MAP3K20: variants seen among roughly 807,000 people sequenced by gnomAD.
MAP3K20 encodes HCCS-4.
A neutral mutation model predicts 85.7 loss-of-function variants in MAP3K20; 40 were observed. The ratio of observed to expected loss-of-function variants is 0.47; its 90% CI spans 0.36 to 0.61. The LOEUF (loss-of-function observed/expected upper bound fraction) is 0.61. Ranked by LOEUF, MAP3K20 falls within the 20% of genes least tolerant of loss-of-function variation. The pLI, the probability that MAP3K20 is intolerant of heterozygous loss-of-function variation, is 0.00. For synonymous variants in MAP3K20, 325 were observed against 327.7 expected, an observed-to-expected ratio of 0.99 and a Z score of 0.09; for missense variants, 817 against 961.7, an observed-to-expected ratio of 0.85 and a Z score of 1.99.
intron 11 of MAP3K20, chr2:173,225,349 T>C: frequency 4.0e-6 from 1 of 251,136 alleles, no homozygotes; most frequent in Non-Finnish European, 6.3e-6. Flanking sequence ...ATCCCAGCAC[T>C]TTGGGAGGCC....
intron 12 of MAP3K20, among the ~76,000 whole-genome samples, chr2:173,230,341 T>C (rs1325737144): frequency 6.6e-6 from 1 of 152,160 alleles, no homozygotes; most frequent in East Asian, 1.9e-4. Context: ...TAAATCTTTT[T>C]ACAAGAACAG....
At chr2:173,091,699 T>G (rs544358907) in intron 2 of MAP3K20, among the ~76,000 whole-genome samples, 1 of 152,308 alleles carries the variant, frequency 6.6e-6, no homozygotes, top group East Asian at 1.9e-4. Flanking sequence ...TGATGGTCTT[T>G]GTATTATATA....
At chr2:173,143,156 G>C (rs192664628) in intron 2 of MAP3K20, among the ~76,000 whole-genome samples, 11 of 152,298 alleles carry the variant, frequency 7.2e-5, no homozygotes, top group Non-Finnish European at 1.3e-4. Flanking sequence ...AGAGGGGTAT[G>C]CAAATAGAAA....
chr2:173,253,040 C>T (rs1269052755), intron 16 of MAP3K20, among the ~76,000 whole-genome samples: 1 of 152,144 alleles, frequency 6.6e-6, no homozygotes, highest in Admixed American at 6.5e-5. Flanking sequence ...CTGATCACTC[C>T]CTGGTACCCA....
chr2:173,103,657 C>T (rs548757056), intron 2 of MAP3K20, among the ~76,000 whole-genome samples: 3 of 152,304 alleles, frequency 2.0e-5, no homozygotes, highest in Admixed American at 6.5e-5. Context: ...CTAAGCACTT[C>T]GCATAGATTC....
intron 14 of MAP3K20, among the ~76,000 whole-genome samples, chr2:173,233,644 T>G (rs1441004866): frequency 6.6e-6 from 1 of 151,906 alleles, no homozygotes; most frequent in African/African-American, 2.4e-5. Context: ...AAGGAGAAAA[T>G]TCAGAAAAGG....
chr2:173,098,141 T>C (rs1687517146), intron 2 of MAP3K20, among the ~76,000 whole-genome samples: 1 of 152,202 alleles, frequency 6.6e-6, no homozygotes, highest in Admixed American at 6.5e-5. Flanking sequence ...ATGGGACCAA[T>C]ACAAATAAAA....
rs547452041 is a variant in MAP3K20 at position 173,248,972 on chromosome 2, T to C, written c.1359+9476T>C. 5.9e-5 allele frequency among the ~76,000 whole-genome samples: 9 copies of C among 152,350 alleles called. No individual in the cohort carries two copies. The South Asian group carries it at 1.9e-3, about 32-fold the overall frequency. On this transcript the variant is annotated intron_variant, in intron 16 of 19. Transcript: ENST00000375213. Reference sequence around the variant, plus strand: ...CTTTAACTCAAAGAGAGCTCCAGTCTCCTAATGAATCCATTGTCAGTTGGC... The same window carrying C: ...CTTTAACTCAAAGAGAGCTCCAGTCCCCTAATGAATCCATTGTCAGTTGGC...
At chr2:173,107,959 T>G (rs1687830971) in intron 2 of MAP3K20, among the ~76,000 whole-genome samples, 1 of 152,160 alleles carries the variant, frequency 6.6e-6, no homozygotes, top group Non-Finnish European at 1.5e-5. Flanking sequence ...ACTTGCTTTT[T>G]TAAGACTTAT....
At chr2:173,161,965 A>G (rs971183752) in intron 2 of MAP3K20, among the ~76,000 whole-genome samples, 2 of 152,224 alleles carry the variant, frequency 1.3e-5, no homozygotes, top group Non-Finnish European at 2.9e-5. Flanking sequence ...ATGCAAATAA[A>G]TATTTTAAAT....
chr2:173,185,742 G>A (rs986133511), intron 4 of MAP3K20, among the ~76,000 whole-genome samples: 1 of 152,222 alleles, frequency 6.6e-6, no homozygotes, highest in African/African-American at 2.4e-5. Context: ...TTCTAGATGT[G>A]AGGATAATGG....
At chr2:173,222,746 G>T in intron 11 of MAP3K20, 1 of 985,334 alleles carries the variant, frequency 1.0e-6, no homozygotes, top group African/African-American at 1.7e-5. Context: ...GCCTACCAGG[G>T]TTGTTTTTTG....
chr2:173,077,311 G>A (rs891770863), intron 1 of MAP3K20, among the ~76,000 whole-genome samples: 4 of 149,718 alleles, frequency 2.7e-5, no homozygotes, highest in Non-Finnish European at 5.9e-5. Context: ...AGTGATTCAA[G>A]GCTAGTTAAT....
At position 173,077,765 on chromosome 2, in the gene MAP3K20, G is replaced by A. The variant is rs893731364; in HGVS notation, c.-35+1763G>A. On this transcript the variant is annotated intron_variant, in intron 1 of 19. Transcript: ENST00000375213. ...GATCCGTTTTTCTTAATCTTTTAGGGAATATATAAGGACACAGTAAAGAGA... is the reference window on the plus strand; with the variant it reads ...GATCCGTTTTTCTTAATCTTTTAGGAAATATATAAGGACACAGTAAAGAGA... Among the ~76,000 whole-genome samples the A allele has an allele frequency of 6.6e-5, 10 of 152,220 alleles. No homozygotes were observed. In the South Asian group the frequency reaches 1.9e-3, roughly 28 times the overall value.
At chr2:173,124,248 A>G (rs1242936589) in intron 2 of MAP3K20, among the ~76,000 whole-genome samples, 1 of 152,150 alleles carries the variant, frequency 6.6e-6, no homozygotes, top group Non-Finnish European at 1.5e-5. Context: ...TTCATTTAGG[A>G]AAATTAGTAT....
intron 9 of MAP3K20, among the ~76,000 whole-genome samples, chr2:173,205,076 C>G (rs1233988978): frequency 3.5e-5 from 5 of 141,166 alleles, no homozygotes; most frequent in South Asian, 4.4e-4. Context: ...GCACTCCAGC[C>G]TGGGTGACAG....
chr2:173,089,957 A>G (rs1687246668), intron 1 of MAP3K20, among the ~76,000 whole-genome samples: 1 of 152,248 alleles, frequency 6.6e-6, no homozygotes, highest in African/African-American at 2.4e-5. Flanking sequence ...ATTCATAATT[A>G]CAAGGAGCCT....
intron 2 of MAP3K20, among the ~76,000 whole-genome samples, chr2:173,148,606 G>A (rs1407595802): frequency 6.6e-6 from 1 of 152,114 alleles, no homozygotes; most frequent in Non-Finnish European, 1.5e-5. Flanking sequence ...TTAACCAGCT[G>A]GTCCACTGAG....
At chr2:173,129,684 G>A (rs1424415474) in intron 2 of MAP3K20, among the ~76,000 whole-genome samples, 1 of 152,210 alleles carries the variant, frequency 6.6e-6, no homozygotes. Flanking sequence ...GCTTTCATAA[G>A]TGCTTTCATT....
Sources: gnomAD v4.1 joint callset for allele counts (sites outside exome capture counted in the v4.1 genomes callset) on GRCh38, gnomAD v4.1.1 for gene constraint, MANE v1.5 for transcripts, NCBI Gene and HGNC (gene_info 2026-07-23, HGNC 2026-07-21) for gene names.